BCKDHB: variants seen among roughly 807,000 people sequenced by gnomAD.
BCKDHB encodes 2-oxoisovalerate dehydrogenase subunit beta, mitochondrial.
A neutral mutation model predicts 48.5 loss-of-function variants in BCKDHB; 41 were observed. That is an observed-to-expected ratio of 0.85 (90% CI 0.66 to 1.10). The LOEUF is 1.10. BCKDHB is among the 50% of genes least tolerant of loss of function. BCKDHB has a pLI of 0.00. For missense variants in BCKDHB, 496 were observed against 494.2 expected (o/e 1.00, Z -0.03); for synonymous variants, 201 against 174.8 (o/e 1.15, Z -1.18).
the BCKDHB span, among the ~76,000 whole-genome samples, chr6:80,402,347 G>A: frequency 6.6e-6 from 1 of 151,674 alleles, no homozygotes; most frequent in East Asian, 1.9e-4. Flanking sequence ...GGTTTTGATT[G>A]CATCTTTCTG....
chr6:80,165,390 C>T (rs1254691017), intron 3 of BCKDHB, among the ~76,000 whole-genome samples: 1 of 152,150 alleles, frequency 6.6e-6, no homozygotes, highest in Non-Finnish European at 1.5e-5. Context: ...TTTGCAGCTG[C>T]TTATAGCCTG....
the BCKDHB span, among the ~76,000 whole-genome samples, chr6:80,381,878 T>C: frequency 6.6e-6 from 1 of 152,080 alleles, no homozygotes; most frequent in Non-Finnish European, 1.5e-5. Context: ...TGTAATCCTC[T>C]GAGGCATGAA....
At chr6:80,133,054 G>A (rs1770711404) in intron 3 of BCKDHB, among the ~76,000 whole-genome samples, 1 of 152,124 alleles carries the variant, frequency 6.6e-6, no homozygotes, top group Non-Finnish European at 1.5e-5. Flanking sequence ...AAATGACATA[G>A]CAAAGAAAAC....
At chr6:80,380,790 C>T in the BCKDHB span, among the ~76,000 whole-genome samples, 2 of 151,836 alleles carry the variant, frequency 1.3e-5, no homozygotes, top group African/African-American at 4.8e-5. Context: ...ACAGATGTTT[C>T]TCAAAAAAAG....
At chr6:80,212,093 T>C (rs1423057699) in intron 8 of BCKDHB, among the ~76,000 whole-genome samples, 2 of 152,148 alleles carry the variant, frequency 1.3e-5, no homozygotes, top group Non-Finnish European at 2.9e-5. Flanking sequence ...AAAGCAGAAC[T>C]ACTGATAAGG....
At chr6:80,210,520 G>A (rs1260486169) in intron 8 of BCKDHB, among the ~76,000 whole-genome samples, 1 of 151,970 alleles carries the variant, frequency 6.6e-6, no homozygotes, top group African/African-American at 2.4e-5. Flanking sequence ...TTAAATTTTT[G>A]AAAACTGAGC....
chr6:80,170,272 G>A (rs1286639521), intron 5 of BCKDHB, among the ~76,000 whole-genome samples: 2 of 152,020 alleles, frequency 1.3e-5, no homozygotes, highest in Admixed American at 6.6e-5. Context: ...AATAAAAATG[G>A]CATAAAAATG....
chr6:80,147,488 TA>T (rs901847863), intron 3 of BCKDHB, among the ~76,000 whole-genome samples: 2 of 152,184 alleles, frequency 1.3e-5, no homozygotes, highest in African/African-American at 4.8e-5. Flanking sequence ...TTTTTATGTT[TA>T]AAAAAGGTTC....
rs191733714 is a variant in BCKDHB, at chr6:80,156,624, T to C, written c.344-11054T>C. 2.2e-3 allele frequency among the ~76,000 whole-genome samples: 328 copies of C among 152,262 alleles called. 2 individuals carry two copies. Among genetic ancestry groups the C allele is most frequent in the Non-Finnish European group, 3.6e-3 (248 of 67,994 alleles). ...ATATCTTTAAGTGACTTCCTTAAAT[T>C]AGTGTTCAAGGACTGCTTGTTAGTG... On this transcript the variant is annotated intron_variant, in intron 3 of 9. Transcript: ENST00000320393.
At chr6:80,404,530 T>C in the BCKDHB span, among the ~76,000 whole-genome samples, 1 of 151,988 alleles carries the variant, frequency 6.6e-6, no homozygotes, top group Admixed American at 6.6e-5. Flanking sequence ...TTAGTTTCAT[T>C]GATCATTTCT....
intron 8 of BCKDHB, among the ~76,000 whole-genome samples, chr6:80,218,929 GATTTTATTT>G (rs1775291897): frequency 6.6e-6 from 1 of 152,144 alleles, no homozygotes; most frequent in Non-Finnish European, 1.5e-5. Flanking sequence ...TTGGGGGTAA[GATTTTATTT>G]TTCACTTGAG....
At chr6:80,438,291 C>T in the BCKDHB span, among the ~76,000 whole-genome samples, 1 of 152,166 alleles carries the variant, frequency 6.6e-6, no homozygotes, top group Non-Finnish European at 1.5e-5. Flanking sequence ...TCAGAACATT[C>T]CTCATCTTTC....
chr6:80,335,569 G>A (rs1303595521), intron 9 of BCKDHB, among the ~76,000 whole-genome samples: 2 of 152,004 alleles, frequency 1.3e-5, no homozygotes, highest in African/African-American at 4.8e-5. Context: ...CAAAAGCATG[G>A]TAGCCCAGTA....
intron 6 of BCKDHB, among the ~76,000 whole-genome samples, chr6:80,193,339 A>T (rs533711825): frequency 1.1e-4 from 16 of 152,174 alleles, no homozygotes; most frequent in Admixed American, 2.0e-4. Flanking sequence ...CAGTGATAAT[A>T]AGAAAACATT....
chr6:80,169,661 C>T (rs1772792005), intron 5 of BCKDHB: 2 of 574,792 alleles, frequency 3.5e-6, no homozygotes, highest in East Asian at 3.4e-5. Context: ...TTTTCTGTTT[C>T]TGTTTACTGA....
At chr6:80,447,491 TTA>T in the BCKDHB span, among the ~76,000 whole-genome samples, 4 of 149,716 alleles carry the variant, frequency 2.7e-5, no homozygotes, top group African/African-American at 7.3e-5. Flanking sequence ...TATATACTAT[TTA>T]TATATATATA....
the BCKDHB span, among the ~76,000 whole-genome samples, chr6:80,406,272 G>A: frequency 1.3e-5 from 2 of 152,162 alleles, no homozygotes; most frequent in Admixed American, 1.3e-4. Flanking sequence ...TGTGAATAGT[G>A]CCGCAATAAA....
At chr6:80,210,133 T>C (rs555166780) in intron 8 of BCKDHB, among the ~76,000 whole-genome samples, 5 of 22,826 alleles carry the variant, frequency 2.2e-4, no homozygotes, top group Non-Finnish European at 5.1e-4. Flanking sequence ...TGAAGAAATA[T>C]ACAAAAAAAA....
the BCKDHB span, among the ~76,000 whole-genome samples, chr6:80,378,203 T>C: frequency 6.6e-5 from 10 of 152,158 alleles, no homozygotes; most frequent in African/African-American, 2.4e-4. Context: ...CATCAAAATA[T>C]TGAACATTTT....
Sources: gnomAD v4.1 joint callset for allele counts (sites outside exome capture counted in the v4.1 genomes callset) on GRCh38, gnomAD v4.1.1 for gene constraint, MANE v1.5 for transcripts, NCBI Gene and HGNC (gene_info 2026-07-23, HGNC 2026-07-21) for gene names.